Variants in PRKAR1B observed in about 807,000 individuals in gnomAD.
PRKAR1B encodes cAMP-dependent protein kinase type I-beta regulatory subunit.
PRKAR1B carries 22 observed loss-of-function variants against 46.5 expected under a neutral mutation model. That is an observed-to-expected ratio of 0.47 (90% confidence interval 0.34 to 0.68). PRKAR1B has a LOEUF of 0.68. PRKAR1B is among the 30% of genes least tolerant of loss of function. PRKAR1B has a pLI of 0.01. For synonymous variants in PRKAR1B, 259 were observed against 217.7 expected (o/e 1.19, Z -1.67); for missense variants, 445 against 535.6 (o/e 0.83, Z 1.67).
At chr7:691,182 G>A (rs1779403220) in intron 2 of PRKAR1B, among the ~76,000 whole-genome samples, 1 of 150,988 alleles carries the variant, frequency 6.6e-6, no homozygotes, top group African/African-American at 2.4e-5. Flanking sequence ...CCACTGCGCT[G>A]CAAATCCTAC....
Position 644,883 on chromosome 7 carries a change from C to T in PRKAR1B, c.440+32346G>A, listed in dbSNP as rs1161217543. 4.6e-5 allele frequency among the ~76,000 whole-genome samples: 7 copies of T among 152,180 alleles called. No homozygotes were observed. The highest frequency in any genetic ancestry group is 1.3e-4 in the Admixed American group (2 of 15,274). On this transcript the variant is annotated intron_variant, in intron 4 of 10. Coordinates refer to ENST00000537384, the MANE Select transcript of PRKAR1B (RefSeq NM_001164760.2). This position sits in a 1 kb window ranked among gnomAD's most constrained non-coding sequence, Gnocchi z 4.9. ...GCTGCAGAGCTGAGTCCTGGGCCTG[C>T]TCAGAGGCCGCCCAGGCCACCCCGT...
intron 9 of PRKAR1B, chr7:565,222 G>T (rs1044015318): frequency 3.3e-5 from 5 of 152,258 alleles, no homozygotes; most frequent in Non-Finnish European, 5.9e-5. Context: ...AGCCTTTAGG[G>T]GCTCTTGGGA....
At chr7:647,690 C>T (rs1174570641) in intron 4 of PRKAR1B, among the ~76,000 whole-genome samples, 2 of 151,214 alleles carry the variant, frequency 1.3e-5, no homozygotes, top group African/African-American at 2.4e-5. Flanking sequence ...CCTGTAGTCC[C>T]AGCTACTCAG....
intron 6 of PRKAR1B, among the ~76,000 whole-genome samples, chr7:604,670 T>C (rs1583286749): frequency 6.6e-6 from 1 of 152,200 alleles, no homozygotes; most frequent in East Asian, 1.9e-4. Context: ...CACAGCGCGA[T>C]GGGGGACAGA....
chr7:610,582 G>A (rs1297136224), intron 4 of PRKAR1B, among the ~76,000 whole-genome samples: 2 of 152,192 alleles, frequency 1.3e-5, no homozygotes, highest in Non-Finnish European at 2.9e-5. Flanking sequence ...AATGTCACCA[G>A]CTCATCGCCG....
At chr7:595,669 A>G (rs1583269536) in intron 7 of PRKAR1B, among the ~76,000 whole-genome samples, 1 of 152,202 alleles carries the variant, frequency 6.6e-6, no homozygotes, top group East Asian at 1.9e-4. Flanking sequence ...GTGTGCACAC[A>G]ACACACACAG....
chr7:654,124 C>T (rs891828419), intron 4 of PRKAR1B, among the ~76,000 whole-genome samples: 2 of 151,634 alleles, frequency 1.3e-5, no homozygotes, highest in South Asian at 4.2e-4. Context: ...ATCTTCATCA[C>T]CATCACCATC....
At chr7:589,712 G>T (rs538176579) in intron 7 of PRKAR1B, among the ~76,000 whole-genome samples, 1 of 152,196 alleles carries the variant, frequency 6.6e-6, no homozygotes, top group Admixed American at 6.5e-5. Context: ...AGGTCATCCC[G>T]AACCTCCACT....
At chr7:648,517 G>A (rs1282794208) in intron 4 of PRKAR1B, among the ~76,000 whole-genome samples, 4 of 152,072 alleles carry the variant, frequency 2.6e-5, no homozygotes, top group Non-Finnish European at 5.9e-5. Context: ...AGGCTGAGGC[G>A]GGAGAATCAC....
chr7:696,837 C>G (rs778250126), intron 2 of PRKAR1B: 1 of 152,360 alleles, frequency 6.6e-6, no homozygotes, highest in Non-Finnish European at 1.5e-5. Flanking sequence ...ACACACAGGC[C>G]GCTTCAGGAG....
At chr7:574,947 T>G (rs757581092) in intron 9 of PRKAR1B, among the ~76,000 whole-genome samples, 1 of 152,244 alleles carries the variant, frequency 6.6e-6, no homozygotes, top group African/African-American at 2.4e-5. Context: ...GTCGTCCTGC[T>G]GGCGGTGGAG....
At chr7:711,597 G>C in intron 1 of PRKAR1B, 70 bp from the exon 2 acceptor site, 1 of 1,383,786 alleles carries the variant, frequency 7.2e-7, no homozygotes, top group Admixed American at 2.0e-5. Context: ...AAACGCAGGC[G>C]GCGTGAACCA....
chr7:646,630 A>C (rs1784634502), intron 4 of PRKAR1B, among the ~76,000 whole-genome samples: 1 of 152,164 alleles, frequency 6.6e-6, no homozygotes, highest in African/African-American at 2.4e-5. Flanking sequence ...TTCCCATAAA[A>C]ACATCACTTA....
intron 4 of PRKAR1B, among the ~76,000 whole-genome samples, chr7:618,393 C>T (rs1250809611): frequency 6.6e-6 from 1 of 152,206 alleles, no homozygotes; most frequent in Non-Finnish European, 1.5e-5. Flanking sequence ...TTCCTCTCTT[C>T]CCATAGCCCT....
At chr7:682,080 G>A (rs1778716157) in intron 2 of PRKAR1B, among the ~76,000 whole-genome samples, 1 of 152,158 alleles carries the variant, frequency 6.6e-6, no homozygotes, top group Admixed American at 6.5e-5. Context: ...GAGCAGGGAG[G>A]AGGGAGAGGA....
At chr7:584,601 G>C (rs1436287309) in intron 7 of PRKAR1B, 33 bp from the exon 8 acceptor site, 2 of 1,579,154 alleles carry the variant, frequency 1.3e-6, no homozygotes, top group Admixed American at 1.7e-5. Flanking sequence ...CAGACAAGAA[G>C]GTGAATCTTC....
chr7:553,638 A>G (rs978568328), intron 9 of PRKAR1B, among the ~76,000 whole-genome samples: 2 of 152,126 alleles, frequency 1.3e-5, no homozygotes, highest in African/African-American at 4.8e-5. Flanking sequence ...ACTTCATTTC[A>G]AGGTGGGCTC....
intron 2 of PRKAR1B, among the ~76,000 whole-genome samples, chr7:684,002 C>T (rs560009645): frequency 4.0e-5 from 6 of 151,044 alleles, no homozygotes; most frequent in Admixed American, 1.3e-4. Context: ...CATATGCCAA[C>T]GCCTACCTCC....
At chr7:557,880 T>C (rs923480214) in intron 9 of PRKAR1B, among the ~76,000 whole-genome samples, 1 of 152,128 alleles carries the variant, frequency 6.6e-6, no homozygotes, top group African/African-American at 2.4e-5. Flanking sequence ...CACTATTGAT[T>C]CTAACCCGAC....
Sources: allele counts gnomAD v4.1 joint callset (sites outside exome capture counted in the v4.1 genomes callset), GRCh38; gene constraint gnomAD v4.1.1; non-coding constraint Gnocchi (gnomAD v3.1); transcripts MANE v1.5; gene names NCBI Gene and HGNC (gene_info 2026-07-23, HGNC 2026-07-21).